Variants in FNDC3A observed in about 807,000 individuals in gnomAD.
FNDC3A encodes fibronectin type III domain containing 3A, also known as fibronectin type-III domain-containing protein 3A.
FNDC3A carries 32 observed loss-of-function variants against 148.9 expected under a neutral mutation model. The ratio of observed to expected loss-of-function variants is 0.21; its 90% CI spans 0.16 to 0.29. The LOEUF (loss-of-function observed/expected upper bound fraction) is 0.29, where lower values mean the gene tolerates loss of function less well. FNDC3A is among the 10% of genes least tolerant of loss of function. The probability of loss-of-function intolerance (pLI) is 1.00; values close to 1 mark genes in which losing one functional copy is unlikely to be tolerated. For missense variants in FNDC3A, 1,191 were observed against 1,452.8 expected (o/e 0.82, Z 2.93); for synonymous variants, 472 against 473.6 (o/e 1.00, Z 0.04).
chr13:49,163,595 G>A (rs78868842), intron 8 of FNDC3A, among the ~76,000 whole-genome samples: 1 of 152,164 alleles, frequency 6.6e-6, no homozygotes, highest in African/African-American at 2.4e-5. Flanking sequence ...TTGTGGGTGA[G>A]GCTATGCCCC....
intron 4 of FNDC3A, among the ~76,000 whole-genome samples, chr13:49,117,228 G>T (rs1881027954): frequency 6.6e-6 from 1 of 152,014 alleles, no homozygotes; most frequent in Non-Finnish European, 1.5e-5. Context: ...GCATTTCTTT[G>T]GTCATAAAGA....
chr13:49,039,509 A>C (rs995144294), intron 2 of FNDC3A, among the ~76,000 whole-genome samples: 2 of 152,286 alleles, frequency 1.3e-5, no homozygotes, highest in South Asian at 4.1e-4. Flanking sequence ...AATTTTATAT[A>C]TGAACCTCTT....
chr13:49,057,965 C>A (rs1157570260), intron 2 of FNDC3A, among the ~76,000 whole-genome samples: 1 of 152,050 alleles, frequency 6.6e-6, no homozygotes, highest in Non-Finnish European at 1.5e-5. Flanking sequence ...GAAGTCCTAA[C>A]CCCTAGTACC....
At chr13:49,167,942 T>C (rs969283659) in intron 9 of FNDC3A, among the ~76,000 whole-genome samples, 2 of 152,188 alleles carry the variant, frequency 1.3e-5, no homozygotes, top group African/African-American at 4.8e-5. Flanking sequence ...TTTACACATA[T>C]CTTTTACTAC....
At chr13:49,181,917 C>T in intron 14 of FNDC3A, among the ~76,000 whole-genome samples, 1 of 152,002 alleles carries the variant, frequency 6.6e-6, no homozygotes, top group East Asian at 1.9e-4. Context: ...AACCAAAATA[C>T]TAAAACAAGA....
In FNDC3A at chr13:49,174,689, A is replaced by C. The variant is rs1315883219; in HGVS notation, c.1355+130A>C. On this transcript the variant is annotated intron_variant, in intron 12 of 25. Transcript: ENST00000492622. ...GTTTATCTCTTTGTTGATATAGTTA[A>C]GATGTGTTACCAGTCTAGCAAAAGC... 8 of 777,398 alleles carry C rather than the reference A, an allele frequency of 1.0e-5. No individual in the cohort carries two copies. The Admixed American group carries it at 1.2e-4, about 12-fold the overall frequency. 48.2% of individuals were successfully genotyped at this position (777,398 alleles called of 1,614,324 possible). A position where few individuals can be genotyped will look rare whatever the true frequency, so the allele number is the denominator to read the frequency against.
chr13:49,026,147 A>G (rs905927814), intron 2 of FNDC3A, among the ~76,000 whole-genome samples: 1 of 152,226 alleles, frequency 6.6e-6, no homozygotes, highest in Non-Finnish European at 1.5e-5. Context: ...AGTATTGAGT[A>G]AAATAGCAGG....
intron 4 of FNDC3A, among the ~76,000 whole-genome samples, chr13:49,119,253 C>T (rs1228441823): frequency 2.0e-5 from 3 of 152,252 alleles, no homozygotes; most frequent in East Asian, 1.9e-4. Flanking sequence ...GCAGACCTGC[C>T]GCAGAGGGGC....
chr13:49,109,876 A>C (rs191757469), intron 3 of FNDC3A, among the ~76,000 whole-genome samples: 1 of 152,308 alleles, frequency 6.6e-6, no homozygotes, highest in Non-Finnish European at 1.5e-5. Context: ...TGTATTGTGG[A>C]TATTCCTTAA....
intron 1 of FNDC3A, among the ~76,000 whole-genome samples, chr13:48,986,938 A>G (rs910546845): frequency 1.3e-5 from 2 of 152,228 alleles, no homozygotes; most frequent in Non-Finnish European, 2.9e-5. Flanking sequence ...TGGTTAAGTT[A>G]TAGTAATACA....
At position 49,196,933 on chromosome 13, in the gene FNDC3A, G is replaced by C; in HGVS notation, c.2283G>C (p.Gln761His). ...CTACAGCCCCTGGGCCACCAGATCAGTGCAAGCCCCCTCAAGTGACATGTA... is the reference window on the plus strand; with the variant it reads ...CTACAGCCCCTGGGCCACCAGATCACTGCAAGCCCCCTCAAGTGACATGTA... Reference protein sequence around the residue: ...DITTAPGPPDQCKPPQVTCRS... With the variant: ...DITTAPGPPDHCKPPQVTCRS... Residue 761 changes from glutamine (Q) to histidine (H), a missense_variant, in exon 20 of 26, where the codon CAG becomes CAC. By Grantham distance (24) the Gln-to-His change is conservative. Transcript: ENST00000492622. 2 of 1,612,732 alleles carry C rather than the reference G, an allele frequency of 1.2e-6. No individual in the cohort carries two copies. The highest frequency in any genetic ancestry group is 1.7e-6 in the Non-Finnish European group (2 of 1,179,630).
intron 3 of FNDC3A, among the ~76,000 whole-genome samples, chr13:49,098,590 TG>T (rs1334234845): frequency 6.6e-6 from 1 of 152,180 alleles, no homozygotes; most frequent in African/African-American, 2.4e-5. Context: ...AACAGGTGCT[TG>T]GTAAACACAT....
chr13:49,010,322 G>A (rs942268277), intron 2 of FNDC3A, among the ~76,000 whole-genome samples: 2 of 152,150 alleles, frequency 1.3e-5, no homozygotes. Context: ...AGTTAGATAA[G>A]GTGGTTGGCA....
intron 2 of FNDC3A, among the ~76,000 whole-genome samples, chr13:49,037,111 T>C (rs757007237): frequency 2.6e-5 from 4 of 152,184 alleles, no homozygotes; most frequent in Non-Finnish European, 5.9e-5. Flanking sequence ...TTCATGTGCG[T>C]CCACTTGGCT....
rs868136539 is a variant in FNDC3A, at chr13:49,077,818, T to G, written c.175+2454T>G. 7.2e-5 allele frequency among the ~76,000 whole-genome samples: 11 copies of G among 152,324 alleles called. 1 individual carries two copies. The Middle Eastern group carries it at 0.031, about 424-fold the overall frequency. On this transcript the variant is annotated intron_variant, in intron 3 of 25. Transcript: ENST00000492622. ...AAATTTTTTAAAAATTTCTCTAAGT[T>G]AATTTAAATCATTTGTGCAGCAGTT...
rs748809777 is a variant in FNDC3A at position 49,131,125 on chromosome 13, T to G, written c.253-12T>G. ...CTATGGAAGAAATTTTAATCTGATG[T>G]TCATTTTGTAGGTTATTGAAGACAA... On this transcript the variant is annotated splice_polypyrimidine_tract_variant and intron_variant, in intron 4 of 25. Transcript: ENST00000492622. 3 of 1,586,122 alleles carry G rather than the reference T, an allele frequency of 1.9e-6. No individual in the cohort carries two copies.
At chr13:49,164,757 C>T (rs1159396392) in intron 8 of FNDC3A, among the ~76,000 whole-genome samples, 3 of 151,912 alleles carry the variant, frequency 2.0e-5, no homozygotes, top group African/African-American at 7.3e-5. Context: ...TACAGGTGCC[C>T]GCCACCACCG....
intron 1 of FNDC3A, among the ~76,000 whole-genome samples, chr13:48,993,257 G>A (rs574529505): frequency 6.6e-6 from 1 of 152,238 alleles, no homozygotes; most frequent in South Asian, 2.1e-4. Flanking sequence ...TAGTCTTAGA[G>A]TTGTATGGCC....
chr13:49,154,416 T>C (rs1411942000), intron 8 of FNDC3A, among the ~76,000 whole-genome samples: 1 of 148,072 alleles, frequency 6.8e-6, no homozygotes. Context: ...AAGGAGATTT[T>C]GGGCTGAGAC....
Sources: allele counts gnomAD v4.1 joint callset (sites outside exome capture counted in the v4.1 genomes callset), GRCh38; gene constraint gnomAD v4.1.1; transcripts MANE v1.5; gene names NCBI Gene and HGNC (gene_info 2026-07-23, HGNC 2026-07-21).